The following HERC2 variants were observed in gnomAD, a reference collection of about 807,000 sequenced individuals.
The protein encoded by HERC2 is HECT and RLD domain containing E3 ubiquitin protein ligase 2, also known as E3 ubiquitin-protein ligase HERC2.
Under a neutral mutation model 537.7 loss-of-function variants are expected in HERC2, and 102 were observed. The ratio of observed to expected loss-of-function variants is 0.19; its 90% CI spans 0.16 to 0.22. The LOEUF is 0.22. HERC2 is among the 10% of genes least tolerant of loss of function. The pLI, the probability that HERC2 is intolerant of heterozygous loss-of-function variation, is 1.00. For synonymous variants in HERC2, 2,224 were observed against 2,466.2 expected (o/e 0.90, Z 2.91); for missense variants, 4,236 against 6,198.2 (o/e 0.68, Z 10.63).
chr15:28,148,184 C>T (rs1424577833), intron 70 of HERC2, among the ~76,000 whole-genome samples: 7 of 151,984 alleles, frequency 4.6e-5, no homozygotes, highest in Non-Finnish European at 8.8e-5. Flanking sequence ...TGATACAAGA[C>T]ATGAAAGAAC....
chr15:28,292,999 T>C lies in HERC2; in HGVS notation c.211A>G (p.Thr71Ala). 2 of 1,610,706 alleles carry C rather than the reference T, an allele frequency of 1.2e-6. No homozygotes were observed. Among genetic ancestry groups the C allele is most frequent in the Non-Finnish European group, 1.7e-6 (2 of 1,179,568 alleles). Residue 71 changes from threonine to alanine, a missense_variant, in exon 4 of 93, where the codon ACA becomes GCA. By Grantham distance (58) the Thr-to-Ala change is moderately conservative (BLOSUM62 0). Transcript: ENST00000261609. ...TTGTCATTCAGATCTTCTTTCTTTG[T>C]TCCACTTGGTTCGACACTATCATCT... The part of the protein sequence containing the change: ...RKDDSVEPSG[T>A]KKEDLNDKEK...
Position 28,201,565 on chromosome 15 carries a change from T to G in HERC2, c.7618-11A>C, listed in dbSNP as rs199528088. 1.3e-6 allele frequency: 2 copies of G among 1,576,020 alleles called. No homozygotes were observed. The highest frequency in any genetic ancestry group is 1.1e-5 in the South Asian group (1 of 90,002). Reference sequence around the variant, plus strand: ...AACAGCACCAGTAGACTGCAAGAAATAAATACATTCAAACAAAAAAACAGG... The same window carrying G: ...AACAGCACCAGTAGACTGCAAGAAAGAAATACATTCAAACAAAAAAACAGG... On this transcript the variant is annotated splice_polypyrimidine_tract_variant and intron_variant, in intron 47 of 92. Coordinates refer to ENST00000261609, the MANE Select transcript of HERC2 (RefSeq NM_004667.6).
In HERC2 at chr15:28,295,079, T is replaced by G. The variant is rs550830291; in HGVS notation, c.188-2057A>C. On this transcript the variant is annotated intron_variant, in intron 3 of 92. Coordinates refer to ENST00000261609, the MANE Select transcript of HERC2 (RefSeq NM_004667.6). ...AAACCACAATGAGATCCCACTAGAC[T>G]TGTTAGAATGGCTCAACTAAAAAAC... is the stretch of plus-strand genomic sequence containing the variant. Among the ~76,000 whole-genome samples the G allele has an allele frequency of 4.6e-5, 7 of 152,208 alleles. No individual in the cohort carries two copies. In the East Asian group the frequency reaches 9.7e-4, roughly 21 times the overall value.
At chr15:28,238,254 T>C in intron 24 of HERC2, 37 bp from the exon 25 acceptor site, 1 of 1,335,040 alleles carries the variant, frequency 7.5e-7, no homozygotes, top group Non-Finnish European at 1.1e-6. Flanking sequence ...TGAGTTCAAT[T>C]CAGCTTGCCT....
At position 28,308,236 on chromosome 15, in the gene HERC2, G is replaced by A. The variant is rs149998328; in HGVS notation, c.73-8720C>T. 1.1e-3 allele frequency among the ~76,000 whole-genome samples: 173 copies of A among 152,146 alleles called. 2 individuals are homozygous for A. Among genetic ancestry groups the A allele is most frequent in the Middle Eastern group, 6.8e-3 (2 of 294 alleles). On this transcript the variant is annotated intron_variant, in intron 2 of 92. Coordinates refer to ENST00000261609, the MANE Select transcript of HERC2 (RefSeq NM_004667.6). ...GTCTTCTTTAATGTCTTTCATCAGC[G>A]TTTTAGAGTTTTCATTACAGAGATC...
chr15:28,168,977 T>G (rs1453624034), intron 66 of HERC2, among the ~76,000 whole-genome samples: 1 of 152,232 alleles, frequency 6.6e-6, no homozygotes. Flanking sequence ...AACGACTCAA[T>G]GGCCTCTACT....
intron 23 of HERC2, 49 bp from the exon 24 acceptor site, chr15:28,238,821 A>T: frequency 7.4e-7 from 1 of 1,346,390 alleles, no homozygotes; most frequent in South Asian, 1.2e-5. Context: ...CAACAGGTAA[A>T]ATGAAAAGAA....
At chr15:28,219,659 C>T (rs1900309932) in intron 37 of HERC2, among the ~76,000 whole-genome samples, 1 of 152,192 alleles carries the variant, frequency 6.6e-6, no homozygotes, top group Non-Finnish European at 1.5e-5. Context: ...TAGCCTCTTC[C>T]AGCCCCCATA....
At chr15:28,307,754 T>G (rs2076830975) in intron 2 of HERC2, among the ~76,000 whole-genome samples, 1 of 152,246 alleles carries the variant, frequency 6.6e-6, no homozygotes, top group Non-Finnish European at 1.5e-5. Context: ...GGAATCTAGC[T>G]TCATTCTTCT....
At chr15:28,143,038 T>G (rs1251534036) in intron 74 of HERC2, 86 bp from the exon 75 acceptor site, 11 of 1,364,702 alleles carry the variant, frequency 8.1e-6, no homozygotes, top group Non-Finnish European at 1.1e-5. Flanking sequence ...AATGTTTTAT[T>G]ATGTTGGTAC....
chr15:28,317,871 T>C (rs551400526), intron 2 of HERC2, among the ~76,000 whole-genome samples: 8 of 152,348 alleles, frequency 5.3e-5, no homozygotes, highest in African/African-American at 1.9e-4. Context: ...CTCTCTAGTT[T>C]CTTTACAACT....
At chr15:28,250,850 G>A (rs1484875511) in intron 20 of HERC2, among the ~76,000 whole-genome samples, 1 of 152,126 alleles carries the variant, frequency 6.6e-6, no homozygotes, top group Non-Finnish European at 1.5e-5. Context: ...AGACAGCCTG[G>A]ATATCGGCTA....
chr15:28,210,336 T>C (rs1276419963), intron 44 of HERC2, among the ~76,000 whole-genome samples: 2 of 152,156 alleles, frequency 1.3e-5, no homozygotes, highest in Non-Finnish European at 2.9e-5. Flanking sequence ...GGTTTCACCA[T>C]GTTAGCCAGG....
At chr15:28,276,268 G>A (rs965256027) in intron 5 of HERC2, among the ~76,000 whole-genome samples, 1 of 150,456 alleles carries the variant, frequency 6.6e-6, no homozygotes, top group African/African-American at 2.5e-5. Context: ...AATAAAAATG[G>A]CAATGAAGAA....
chr15:28,253,634 C>T (rs1368841164), intron 20 of HERC2, among the ~76,000 whole-genome samples: 2 of 152,222 alleles, frequency 1.3e-5, no homozygotes, highest in Non-Finnish European at 2.9e-5. Context: ...CTAGATTTCA[C>T]TATCTTAATA....
intron 55 of HERC2, among the ~76,000 whole-genome samples, chr15:28,187,862 C>A (rs1269286614): frequency 6.6e-6 from 1 of 152,196 alleles, no homozygotes; most frequent in Non-Finnish European, 1.5e-5. Flanking sequence ...ATGTCCCACA[C>A]CCCATGTGGC....
rs373719424 is a variant in HERC2 at position 28,248,511 on chromosome 15, C to T, written c.3235+41G>A. 3.0e-4 allele frequency: 450 copies of T among 1,511,604 alleles called. 4 individuals carry two copies. The South Asian group carries it at 4.8e-3, about 16-fold the overall frequency. The allele number at this position is 1,511,604 out of a possible 1,614,324, so 93.6% of individuals were successfully genotyped here. On this transcript the variant is annotated intron_variant, in intron 21 of 92. Coordinates refer to ENST00000261609, the MANE Select transcript of HERC2 (RefSeq NM_004667.6). ...GTCGAAAAGCCTAAAGTAACGAGCC[C>T]CGATCACATACAAGACACTTTCACA...
rs557422727 is a variant in HERC2 at position 28,279,806 on chromosome 15, T to A, written c.542+262A>T. Among the ~76,000 whole-genome samples, 3 of 151,780 alleles carry A rather than the reference T, an allele frequency of 2.0e-5. No individual in the cohort carries two copies. Among genetic ancestry groups the A allele is most frequent in the Non-Finnish European group, 4.4e-5 (3 of 67,988 alleles). On this transcript the variant is annotated intron_variant, in intron 5 of 92. Coordinates refer to ENST00000261609, the MANE Select transcript of HERC2 (RefSeq NM_004667.6). ...CCAGCCTGGGTGACAGAGCAAGACA[T>A]TGTCTCTCCAAAAAAAAGAAAAGAA...
At chr15:28,162,674 G>T (rs1341574592) in intron 69 of HERC2, among the ~76,000 whole-genome samples, 1 of 152,116 alleles carries the variant, frequency 6.6e-6, no homozygotes, top group Non-Finnish European at 1.5e-5. Context: ...TGGATCACGA[G>T]GTCAGGAGAT....
Sources: gnomAD v4.1 joint callset for allele counts (sites outside exome capture counted in the v4.1 genomes callset) on GRCh38, gnomAD v4.1.1 for gene constraint, MANE v1.5 for transcripts, NCBI Gene and HGNC (gene_info 2026-07-23, HGNC 2026-07-21) for gene names.